The following CRHR1 variants were observed in gnomAD, a reference collection of about 807,000 sequenced individuals.
CRHR1 encodes the protein corticotropin-releasing hormone receptor 1.
CRHR1 carries 28 observed loss-of-function variants against 56.0 expected under a neutral mutation model. The observed-to-expected ratio is 0.50, with a 90% confidence interval of 0.37 to 0.69. The LOEUF (loss-of-function observed/expected upper bound fraction) is 0.69, where lower values mean the gene tolerates loss of function less well. CRHR1 is among the 30% of genes least tolerant of loss of function. CRHR1 has a pLI of 0.00. For synonymous variants in CRHR1, 195 were observed against 216.5 expected, an observed-to-expected ratio of 0.90 and a Z score of 0.87; for missense variants, 376 against 548.0, an observed-to-expected ratio of 0.69 and a Z score of 3.13.
Position 45,830,092 on chromosome 17 carries a change from A to C in CRHR1, c.435-2A>C. ...CATCATCCACCCGCCCTGCTGCACC[A>C]GGAGCATCCGGTGCCTGCGAAACAT... On this transcript the variant is annotated splice_acceptor_variant, in intron 5 of 12. Coordinates refer to ENST00000314537, the MANE Select transcript of CRHR1 (RefSeq NM_004382.5). LOFTEE classifies it high-confidence loss of function. 1 of 1,614,022 alleles carries C rather than the reference A, an allele frequency of 6.2e-7. No individual in the cohort carries two copies. Among genetic ancestry groups the C allele is most frequent in the Non-Finnish European group, 8.5e-7 (1 of 1,179,970 alleles).
chr17:45,834,186 G>C, intron 12 of CRHR1, 138 bp downstream of exon 12: 2 of 1,083,608 alleles, frequency 1.8e-6, no homozygotes, highest in Non-Finnish European at 2.7e-6. Flanking sequence ...GTATGCTGCT[G>C]GGAGCCCCAG....
Position 45,833,459 on chromosome 17 carries a change from T to C in CRHR1, c.851T>C (p.Phe284Ser). 6.2e-7 allele frequency: 1 copy of C among 1,613,946 alleles called. No individual in the cohort carries two copies. Among genetic ancestry groups the C allele is most frequent in the Non-Finnish European group, 8.5e-7 (1 of 1,179,994 alleles). The stretch of plus-strand genomic sequence containing the variant: ...GGTGTGCTCAAATTGCAGATCAATT[T>C]CATCTTCCTTTTCAACATCGTCCGC... ...GPMILVLLINFIFLFNIVRIL... is the reference protein window; with the variant it reads ...GPMILVLLINSIFLFNIVRIL... The change falls in exon 10 of 13, where the codon TTC (phenylalanine) becomes TCC (serine). Residue 284 changes from phenylalanine (F) to serine (S), a missense_variant. Physicochemically the swap from Phe to Ser is radical, Grantham distance 155 (BLOSUM62 -2). Transcript: ENST00000314537.
intron 12 of CRHR1, among the ~76,000 whole-genome samples, chr17:45,834,422 C>T (rs2062390876): frequency 6.6e-6 from 1 of 152,216 alleles, no homozygotes; most frequent in African/African-American, 2.4e-5. Context: ...GTGCCCCTTC[C>T]CCAGGACATT....
chr17:45,812,558 A>G (rs550323522), intron 2 of CRHR1, among the ~76,000 whole-genome samples: 1 of 152,340 alleles, frequency 6.6e-6, no homozygotes, highest in South Asian at 2.1e-4. Flanking sequence ...CATTGGCCCA[A>G]GAATCAGAAG....
chr17:45,815,126 G>A (rs1014751905), intron 2 of CRHR1, among the ~76,000 whole-genome samples: 1 of 152,236 alleles, frequency 6.6e-6, no homozygotes, highest in Admixed American at 6.5e-5. Context: ...CTAAGGCCTC[G>A]GCCCAGGCCT....
At chr17:45,816,420 G>T (rs771391041) in intron 2 of CRHR1, 43 bp from the exon 3 acceptor site, 4 of 1,610,536 alleles carry the variant, frequency 2.5e-6, no homozygotes, top group Non-Finnish European at 3.4e-6. Context: ...TGGGGCCTTG[G>T]CCGGATATCT....
intron 1 of CRHR1, among the ~76,000 whole-genome samples, chr17:45,793,482 TCTG>T (rs1296267934): frequency 6.6e-6 from 1 of 152,136 alleles, no homozygotes; most frequent in African/African-American, 2.4e-5. Flanking sequence ...CTGTCCTGGT[TCTG>T]CTGGTCATGA....
intron 1 of CRHR1, among the ~76,000 whole-genome samples, chr17:45,789,601 C>T (rs998841558): frequency 6.6e-6 from 1 of 152,224 alleles, no homozygotes; most frequent in Non-Finnish European, 1.5e-5. Flanking sequence ...AATTCTCAAA[C>T]TCCTGGGCTC....
chr17:45,812,118 T>C (rs1424356789), intron 2 of CRHR1, among the ~76,000 whole-genome samples: 2 of 152,216 alleles, frequency 1.3e-5, no homozygotes, highest in Non-Finnish European at 2.9e-5. Context: ...ATACTTTAAA[T>C]CATCTCTAGA....
chr17:45,784,602 G>T lies in CRHR1; in HGVS notation c.33+25G>T. The T allele has an allele frequency of 6.5e-7, 1 of 1,538,894 alleles. No homozygotes were observed. The highest frequency in any genetic ancestry group is 8.8e-7 in the Non-Finnish European group (1 of 1,141,968). On this transcript the variant is annotated intron_variant, in intron 1 of 12. Coordinates refer to ENST00000314537, the MANE Select transcript of CRHR1 (RefSeq NM_004382.5). The surrounding 1 kb of genome is among the most constrained non-coding windows in gnomAD (Gnocchi z 4.2). ...GGTAACAGCCCGCCGGCCATCCCTCGAGCGCTGGCGCCCCCGGCCCCTGGC... is the reference window on the plus strand; with the variant it reads ...GGTAACAGCCCGCCGGCCATCCCTCTAGCGCTGGCGCCCCCGGCCCCTGGC...
rs112691859 is a variant in CRHR1, at chr17:45,834,901, T to TG, written c.*144dup. On this transcript the variant is annotated 3_prime_UTR_variant, in exon 13 of 13. Coordinates refer to ENST00000314537, the MANE Select transcript of CRHR1 (RefSeq NM_004382.5). ...CCAGGAGCAGCTGGCACTGACAGCC[T>TG]GGGGGGGCCGCTCTCCCCCTGCAGC... 0.16 allele frequency: 183,934 copies of TG among 1,143,638 alleles called. 18,305 individuals carry two copies. Among genetic ancestry groups the TG allele is most frequent in the Non-Finnish European group, 0.19 (152,915 of 807,246 alleles). The allele number at this position is 1,143,638 out of a possible 1,614,324, so 70.8% of individuals were successfully genotyped here.
At chr17:45,814,727 C>G (rs1240909406) in intron 2 of CRHR1, among the ~76,000 whole-genome samples, 2 of 152,224 alleles carry the variant, frequency 1.3e-5, no homozygotes, top group Non-Finnish European at 2.9e-5. Context: ...TCGGATGGCC[C>G]TGCTTCCTCA....
intron 1 of CRHR1, among the ~76,000 whole-genome samples, chr17:45,787,366 A>G (rs545136043): frequency 5.1e-4 from 77 of 152,232 alleles, no homozygotes; most frequent in Non-Finnish European, 8.1e-4. Context: ...GGCTGTAAAC[A>G]TGGGTCCCAG....
intron 2 of CRHR1, among the ~76,000 whole-genome samples, chr17:45,809,381 G>T (rs1221559612): frequency 6.6e-6 from 1 of 152,206 alleles, no homozygotes; most frequent in African/African-American, 2.4e-5. Context: ...CCTATCCCCA[G>T]CTCCCCCATG....
intron 2 of CRHR1, 119 bp from the exon 3 acceptor site, chr17:45,816,344 C>T: frequency 7.3e-7 from 1 of 1,361,262 alleles, no homozygotes; most frequent in Non-Finnish European, 1.0e-6. Context: ...GTCATCCTGT[C>T]CCTAGCTGGT....
In CRHR1 at chr17:45,825,062, G is replaced by C. The variant is rs717312; in HGVS notation, c.327+3622G>C. On this transcript the variant is annotated intron_variant, in intron 4 of 12. Coordinates refer to ENST00000314537, the MANE Select transcript of CRHR1 (RefSeq NM_004382.5). ...CTTCTGCCAGCCCCCAGCCTCGCCAGACCCCTCCCAGAACTGCAGAGGAAA... is the reference window on the plus strand; with the variant it reads ...CTTCTGCCAGCCCCCAGCCTCGCCACACCCCTCCCAGAACTGCAGAGGAAA... Among the ~76,000 whole-genome samples the C allele has an allele frequency of 8.5e-5, 13 of 152,248 alleles. No homozygotes were observed. The South Asian group carries it at 2.1e-3, about 24-fold the overall frequency.
At position 45,833,863 on chromosome 17, in the gene CRHR1, G is replaced by A. The variant is rs1336852260; in HGVS notation, c.1065+14G>A. On this transcript the variant is annotated intron_variant, in intron 11 of 12. Coordinates refer to ENST00000314537, the MANE Select transcript of CRHR1 (RefSeq NM_004382.5). ...GAATCCTTCCAGGTACAGCCCTGGA[G>A]GGACACATCAGCACCTCCTTGGGTG... is the stretch of plus-strand genomic sequence containing the variant. 6.2e-7 allele frequency: 1 copy of A among 1,613,058 alleles called. No individual in the cohort carries two copies. The highest frequency in any genetic ancestry group is 1.7e-5 in the Admixed American group (1 of 60,018).
chr17:45,805,621 G>A (rs2061705160), intron 1 of CRHR1, among the ~76,000 whole-genome samples: 1 of 152,136 alleles, frequency 6.6e-6, no homozygotes, highest in Non-Finnish European at 1.5e-5. Flanking sequence ...AGAAGAAACA[G>A]CAGAGAAGTG....
rs556540238 is a variant in CRHR1, at chr17:45,829,488, G to A, written c.434+167G>A. 101 of 1,448,042 alleles carry A rather than the reference G, an allele frequency of 7.0e-5. 1 individual carries two copies. In the South Asian group the frequency reaches 1.0e-3, roughly 15 times the overall value. 89.7% of individuals were successfully genotyped at this position (1,448,042 alleles called of 1,614,324 possible). A position where few individuals can be genotyped will look rare whatever the true frequency, so the allele number is the denominator to read the frequency against. ...GTCTCTGGGAACCTCTGGCAGAGCC[G>A]CTCTGCCCTCTCCCCAGTAGCTGCT... On this transcript the variant is annotated intron_variant, in intron 5 of 12. Transcript: ENST00000314537.
Sources: gnomAD v4.1 joint callset for allele counts (sites outside exome capture counted in the v4.1 genomes callset) on GRCh38, gnomAD v4.1.1 for gene constraint, Gnocchi (gnomAD v3.1) non-coding constraint, MANE v1.5 for transcripts, NCBI Gene and HGNC (gene_info 2026-07-23, HGNC 2026-07-21) for gene names.